The following FAM193A variants were observed in gnomAD, a reference collection of about 807,000 sequenced individuals.
FAM193A encodes protein FAM193A.
Under a neutral mutation model 126.5 loss-of-function variants are expected in FAM193A, and 22 were observed. That is an observed-to-expected ratio of 0.17 (90% CI 0.12 to 0.25). The LOEUF (loss-of-function observed/expected upper bound fraction) is 0.25. FAM193A is among the 10% of genes least tolerant of loss of function. The pLI is 1.00. For synonymous variants in FAM193A, 761 were observed against 646.8 expected (o/e 1.18, Z -2.68); for missense variants, 1,675 against 1,672.8 (o/e 1.00, Z -0.02).
At chr4:2,548,968 T>C (rs1464684100) in intron 1 of FAM193A, among the ~76,000 whole-genome samples, 8 of 151,894 alleles carry the variant, frequency 5.3e-5, no homozygotes, top group Non-Finnish European at 1.2e-4. Context: ...AGACAGAGTC[T>C]CATTCTGTCG....
chr4:2,645,049 T>C (rs1463702152), intron 6 of FAM193A, among the ~76,000 whole-genome samples: 1 of 151,952 alleles, frequency 6.6e-6, no homozygotes, highest in Non-Finnish European at 1.5e-5. Context: ...TGTGTGTGTG[T>C]GTGTGTGTGT....
chr4:2,591,026 CAAA>C (rs113076132), intron 1 of FAM193A, among the ~76,000 whole-genome samples: 2 of 131,662 alleles, frequency 1.5e-5, no homozygotes, highest in Non-Finnish European at 3.3e-5. Flanking sequence ...GACTCCCTCT[CAAA>C]AAAAAAAAAA....
intron 1 of FAM193A, among the ~76,000 whole-genome samples, chr4:2,543,869 CAAAAAA>C (rs71178473): frequency 1.4e-5 from 1 of 71,738 alleles, no homozygotes; most frequent in Non-Finnish European, 2.4e-5. Context: ...GACATTGTCT[CAAAAAA>C]AAAAAAAAAA....
In FAM193A at chr4:2,659,657, A is replaced by T. The variant is rs1370165933; in HGVS notation, c.1489A>T (p.Asn497Tyr). Residue 497 changes from asparagine to tyrosine, a missense_variant, in exon 9 of 21, where the codon AAC (asparagine) becomes TAC (tyrosine). Transcript: ENST00000637812. ...RLSMPDCPNC[N>Y]YRRRCACDDC... Reference sequence around the variant, plus strand: ...GAGCATGCCCGACTGCCCCAACTGCAACTACAGGAGAAGGTAAGGCTGGGT... The same window carrying T: ...GAGCATGCCCGACTGCCCCAACTGCTACTACAGGAGAAGGTAAGGCTGGGT... 6.2e-7 allele frequency: 1 copy of T among 1,614,038 alleles called. No homozygotes were observed. The highest frequency in any genetic ancestry group is 2.2e-5 in the East Asian group (1 of 44,886).
At chr4:2,634,407 G>T (rs1743895821) in intron 5 of FAM193A, among the ~76,000 whole-genome samples, 1 of 152,090 alleles carries the variant, frequency 6.6e-6, no homozygotes, top group Non-Finnish European at 1.5e-5. Context: ...CCCCAAATGA[G>T]CAGCTCACAG....
In FAM193A at chr4:2,646,842, A is replaced by G. The variant is rs767685976; in HGVS notation, c.1311+10A>G. 7 of 1,607,276 alleles carry G rather than the reference A, an allele frequency of 4.4e-6. No homozygotes were observed. The East Asian group carries it at 1.6e-4, about 36-fold the overall frequency. The stretch of plus-strand genomic sequence containing the variant: ...CTATGTCGACGAGCAGGTGAGTGCC[A>G]CCCGGGACCACCGCACCCCGCGCAC... On this transcript the variant is annotated intron_variant, in intron 7 of 20. Coordinates refer to ENST00000637812, the MANE Select transcript of FAM193A (RefSeq NM_001366318.2).
intron 2 of FAM193A, among the ~76,000 whole-genome samples, chr4:2,611,648 G>A (rs1401336580): frequency 6.6e-6 from 1 of 152,068 alleles, no homozygotes; most frequent in East Asian, 1.9e-4. Flanking sequence ...CTTTGGAAAA[G>A]TGGCTGTTCA....
chr4:2,635,394 C>CTA (rs1560504305), intron 5 of FAM193A, among the ~76,000 whole-genome samples: 1 of 152,032 alleles, frequency 6.6e-6, no homozygotes, highest in Non-Finnish European at 1.5e-5. Context: ...GAAATTCAAA[C>CTA]TGAGAAAATT....
intron 1 of FAM193A, among the ~76,000 whole-genome samples, chr4:2,538,289 C>T (rs1373365141): frequency 6.6e-6 from 1 of 151,704 alleles, no homozygotes; most frequent in Non-Finnish European, 1.5e-5. Flanking sequence ...GTAACCTCCG[C>T]CTCCCGGGTT....
intron 1 of FAM193A, among the ~76,000 whole-genome samples, chr4:2,549,476 A>G (rs1737775101): frequency 1.5e-5 from 2 of 131,182 alleles, no homozygotes; most frequent in African/African-American, 5.8e-5. Context: ...GGCTCACTGC[A>G]AGCTCCGCCT....
chr4:2,727,308 G>A lies in FAM193A; in HGVS notation c.4455-4467G>A, dbSNP rs541939044. 4.6e-5 allele frequency among the ~76,000 whole-genome samples: 7 copies of A among 152,272 alleles called. No homozygotes were observed. In the South Asian group the frequency reaches 1.4e-3, roughly 32 times the overall value. On this transcript the variant is annotated intron_variant, in intron 20 of 20. Transcript: ENST00000637812. ...TGTTAGTTTTAAACTGGTGCATGAA[G>A]GTGAGTTCTCTCCCTGGCCCTCAAG... is the stretch of plus-strand genomic sequence containing the variant.
At chr4:2,649,536 G>A (rs553492731) in intron 7 of FAM193A, among the ~76,000 whole-genome samples, 51 of 152,192 alleles carry the variant, frequency 3.4e-4, no homozygotes, top group African/African-American at 1.0e-3. Context: ...GCCTGCCATG[G>A]TAGTGTGCAC....
At chr4:2,668,433 C>T (rs1346678406) in intron 12 of FAM193A, among the ~76,000 whole-genome samples, 6 of 152,004 alleles carry the variant, frequency 3.9e-5, no homozygotes, top group Non-Finnish European at 5.9e-5. Context: ...AGGCTGGTCT[C>T]TAACTGGCCT....
At position 2,607,137 on chromosome 4, in the gene FAM193A, A is replaced by G. The variant is rs191725817; in HGVS notation, c.501+10808A>G. Among the ~76,000 whole-genome samples, 8 of 152,318 alleles carry G rather than the reference A, an allele frequency of 5.3e-5. No homozygotes were observed. The South Asian group carries it at 1.0e-3, about 20-fold the overall frequency. ...TGCCGGAGAAATAAATGCTCTGTGTATACTTCCCACTTCGTCACGCAGAAT... is the reference window on the plus strand; with the variant it reads ...TGCCGGAGAAATAAATGCTCTGTGTGTACTTCCCACTTCGTCACGCAGAAT... On this transcript the variant is annotated intron_variant, in intron 2 of 20. Transcript: ENST00000637812.
chr4:2,722,058 C>G (rs1159477964), intron 20 of FAM193A, among the ~76,000 whole-genome samples: 1 of 152,218 alleles, frequency 6.6e-6, no homozygotes, highest in Non-Finnish European at 1.5e-5. Context: ...ACGAAATTAC[C>G]AAGAACTATG....
rs369298637 is a variant in FAM193A at position 2,672,351 on chromosome 4, G to A, written c.2310G>A (p.Thr770=). The change falls in exon 13 of 21, where the codon ACG becomes ACA. Residue 770 remains threonine, a synonymous_variant. Transcript: ENST00000637812. ...TCATCCACCCCACCTTGTATGCAAC[G>A]CCCCCCTTCACACACAGTAAGGTAA... is the stretch of plus-strand genomic sequence containing the variant. ...RPLIHPTLYA[T]PPFTHSKALP... The A allele has an allele frequency of 2.7e-5, 44 of 1,613,988 alleles. No homozygotes were observed. The highest frequency in any genetic ancestry group is 8.0e-5 in the African/African-American group (6 of 74,978).
At position 2,695,078 on chromosome 4, in the gene FAM193A, G is replaced by A; in HGVS notation, c.3225G>A (p.Lys1075=). The change falls in exon 17 of 21, where the codon AAG becomes AAA. Residue 1075 remains lysine (K), a synonymous_variant. Coordinates refer to ENST00000637812, the MANE Select transcript of FAM193A (RefSeq NM_001366318.2). ...SSSTSTSTNQ[K]EGKYCDCCYC... is the part of the protein sequence containing the mutation. ...GCACCTCGACCTCCACCAACCAGAAGGAGGGCAAGTACTGCGACTGCTGCT... is the reference window on the plus strand; with the variant it reads ...GCACCTCGACCTCCACCAACCAGAAAGAGGGCAAGTACTGCGACTGCTGCT... 1.2e-6 allele frequency: 2 copies of A among 1,609,354 alleles called. No individual in the cohort carries two copies. The highest frequency in any genetic ancestry group is 1.1e-5 in the South Asian group (1 of 90,198).
At chr4:2,726,947 T>TC (rs1472928675) in intron 20 of FAM193A, among the ~76,000 whole-genome samples, 20 of 54,614 alleles carry the variant, frequency 3.7e-4, no homozygotes, top group African/African-American at 6.7e-4. Context: ...CAAAACTCCG[T>TC]CCCAAAAAAA....
chr4:2,625,271 T>A lies in FAM193A; in HGVS notation c.511T>A (p.Phe171Ile), dbSNP rs1289584168. The change falls in exon 3 of 21, where the codon TTT becomes ATT. Residue 171 changes from phenylalanine to isoleucine, a missense_variant. Around this residue, in one of 4 missense-constraint regions of FAM193A, gnomAD observed 1,186 missense variants for 1,109.2 expected, o/e 1.07. Coordinates refer to ENST00000637812, the MANE Select transcript of FAM193A (RefSeq NM_001366318.2). ...TCTCTTTTTAAAACAGAGCCAAGAT[T>A]TTCTTCTTCACTCCTCGCTTGGTGG... is the stretch of plus-strand genomic sequence containing the variant. Reference protein sequence around the residue: ...GGLDQPVSQDFLLHSSLGGSQ... With the variant: ...GGLDQPVSQDILLHSSLGGSQ... 1 of 701,992 alleles carries A rather than the reference T, an allele frequency of 1.4e-6. No homozygotes were observed. The highest frequency in any genetic ancestry group is 1.7e-5 in the African/African-American group (1 of 57,364). 43.5% of individuals were successfully genotyped at this position (701,992 alleles called of 1,614,324 possible).
Sources: gnomAD v4.1 joint callset for allele counts (sites outside exome capture counted in the v4.1 genomes callset) on GRCh38, gnomAD v4.1.1 for gene constraint, gnomAD v4.1.1 regional missense constraint, MANE v1.5 for transcripts, NCBI Gene and HGNC (gene_info 2026-07-23, HGNC 2026-07-21) for gene names.